The following EXOC5 variants were observed in gnomAD, a reference collection of about 807,000 sequenced individuals.
EXOC5 encodes the protein SEC10-like 1.
In EXOC5, 17 loss-of-function variants were observed where a neutral mutation model predicts 90.8. The ratio of observed to expected loss-of-function variants is 0.19; its 90% CI spans 0.13 to 0.28. The LOEUF (loss-of-function observed/expected upper bound fraction) is 0.28. EXOC5 is among the 10% of genes least tolerant of loss of function. The probability of loss-of-function intolerance (pLI) is 1.00; values close to 1 mark genes in which losing one functional copy is unlikely to be tolerated. For missense variants in EXOC5, 569 were observed against 830.6 expected, an observed-to-expected ratio of 0.69 and a Z score of 3.87; for synonymous variants, 260 against 270.0, an observed-to-expected ratio of 0.96 and a Z score of 0.36.
rs1447993261 is a variant in EXOC5, at chr14:57,203,695, G to C, written c.*4914C>G. On this transcript the variant is annotated 3_prime_UTR_variant, in exon 18 of 18. Transcript: ENST00000621441. ...TTATAAAGTAATTTAAGTGATTTTTGAAAGTAAACTTAATTCCAGTTTCAG... is the reference window on the plus strand; with the variant it reads ...TTATAAAGTAATTTAAGTGATTTTTCAAAGTAAACTTAATTCCAGTTTCAG... The C allele has an allele frequency of 6.6e-6, 1 of 152,462 alleles. No homozygotes were observed. Among genetic ancestry groups the C allele is most frequent in the African/African-American group, 2.4e-5 (1 of 41,384 alleles). 9.4% of individuals were successfully genotyped at this position (152,462 alleles called of 1,614,324 possible). A position where few individuals can be genotyped will look rare whatever the true frequency, so the allele number is the denominator to read the frequency against.
intron 1 of EXOC5, among the ~76,000 whole-genome samples, chr14:57,263,106 C>A (rs1401156158): frequency 6.6e-6 from 1 of 152,168 alleles, no homozygotes; most frequent in Admixed American, 6.5e-5. Context: ...TTAAAATTGT[C>A]TGTCTCCCTG....
chr14:57,214,297 CAAAT>C (rs1203106090), intron 15 of EXOC5, among the ~76,000 whole-genome samples: 1 of 152,124 alleles, frequency 6.6e-6, no homozygotes, highest in Non-Finnish European at 1.5e-5. Flanking sequence ...TGTGGATACT[CAAAT>C]AAACCGTGTG....
intron 15 of EXOC5, among the ~76,000 whole-genome samples, chr14:57,214,483 T>C (rs766316608): frequency 2.0e-5 from 3 of 152,046 alleles, no homozygotes; most frequent in African/African-American, 4.8e-5. Context: ...CCGGTGGAGA[T>C]AGGGAACTTA....
chr14:57,207,830 T>G lies in EXOC5; in HGVS notation c.*779A>C, dbSNP rs961208056. The G allele has an allele frequency of 2.6e-5, 4 of 152,102 alleles. No homozygotes were observed. The highest frequency in any genetic ancestry group is 5.9e-5 in the Non-Finnish European group (4 of 67,986). 9.4% of individuals were successfully genotyped at this position (152,102 alleles called of 1,614,324 possible). On this transcript the variant is annotated 3_prime_UTR_variant, in exon 18 of 18. Transcript: ENST00000621441. ...AATAAATATGGTCCTTTAGTTAAGG[T>G]CCTCCACCTTAAGTGAAATACAAAA...
intron 12 of EXOC5, among the ~76,000 whole-genome samples, chr14:57,222,958 T>A (rs1665037191): frequency 2.0e-5 from 3 of 151,918 alleles, no homozygotes; most frequent in African/African-American, 7.3e-5. Flanking sequence ...ATGGAGAAAT[T>A]AATAACAGAT....
rs140284709 is a variant in EXOC5 at position 57,257,777 on chromosome 14, G to A, written c.28-10065C>T. On this transcript the variant is annotated intron_variant, in intron 1 of 17. Coordinates refer to ENST00000621441, the MANE Select transcript of EXOC5 (RefSeq NM_006544.4). ...TAATACTTTATCTTGCTGCAAAGGC[G>A]CTTACAGTGACAAAAAGCCAAATTA... 1.3e-3 allele frequency among the ~76,000 whole-genome samples: 196 copies of A among 152,126 alleles called. 2 individuals carry two copies. The highest frequency in any genetic ancestry group is 4.3e-3 in the African/African-American group (180 of 41,488).
chr14:57,257,130 A>G (rs1037244095), intron 1 of EXOC5, among the ~76,000 whole-genome samples: 1 of 152,188 alleles, frequency 6.6e-6, no homozygotes, highest in African/African-American at 2.4e-5. Flanking sequence ...TAAGGCATGC[A>G]TTCATATAAG....
At position 57,208,544 on chromosome 14, in the gene EXOC5, G is replaced by A; in HGVS notation, c.*65C>T. 1 of 1,205,096 alleles carries A rather than the reference G, an allele frequency of 8.3e-7. No homozygotes were observed. The highest frequency in any genetic ancestry group is 1.5e-5 in the South Asian group (1 of 68,290). The allele number at this position is 1,205,096 out of a possible 1,614,324, so 74.7% of individuals were successfully genotyped here. On this transcript the variant is annotated 3_prime_UTR_variant, in exon 18 of 18. Transcript: ENST00000621441. The stretch of plus-strand genomic sequence containing the variant: ...CTCCTGTGCTTTCTATCAACCGAGG[G>A]CTGCTGAAGTATAAGACATTCCTCT...
chr14:57,267,929 T>A (rs890480920), intron 1 of EXOC5, among the ~76,000 whole-genome samples: 2 of 152,110 alleles, frequency 1.3e-5, no homozygotes, highest in Admixed American at 6.5e-5. Flanking sequence ...TTTTATAAAC[T>A]TTTTTTATTT....
rs1287315130 is a variant in EXOC5 at position 57,226,884 on chromosome 14, G to C, written c.1296+2850C>G. Among the ~76,000 whole-genome samples the C allele has an allele frequency of 2.0e-5, 3 of 152,184 alleles. No homozygotes were observed. In the East Asian group the frequency reaches 5.8e-4, roughly 29 times the overall value. On this transcript the variant is annotated intron_variant, in intron 12 of 17. Transcript: ENST00000621441. ...TCAAACTATAAAAGAAGAAAACATA[G>C]GAGGAAAACTTTGTAACCTTTGGTT...
intron 12 of EXOC5, among the ~76,000 whole-genome samples, chr14:57,225,758 C>G (rs1270442076): frequency 6.6e-6 from 1 of 152,194 alleles, no homozygotes; most frequent in African/African-American, 2.4e-5. Flanking sequence ...ACATGCCCAC[C>G]TAAGTTGGTA....
At chr14:57,260,103 T>G (rs948885309) in intron 1 of EXOC5, among the ~76,000 whole-genome samples, 1 of 152,210 alleles carries the variant, frequency 6.6e-6, no homozygotes, top group Non-Finnish European at 1.5e-5. Flanking sequence ...TAAAAGAATT[T>G]TATAATATTC....
At chr14:57,235,844 C>A in intron 6 of EXOC5, 24 bp from the exon 7 acceptor site, 1 of 1,187,728 alleles carries the variant, frequency 8.4e-7, no homozygotes, top group South Asian at 1.3e-5. Context: ...CATTCAGCTA[C>A]ACTGAGGCAT....
At chr14:57,213,339 G>A (rs1020402038) in intron 15 of EXOC5, among the ~76,000 whole-genome samples, 1 of 151,262 alleles carries the variant, frequency 6.6e-6, no homozygotes, top group African/African-American at 2.5e-5. Flanking sequence ...CTATGATTGC[G>A]CCACTGCACA....
In EXOC5 at chr14:57,222,410, C is replaced by G. The variant is rs1175958787; in HGVS notation, c.1303G>C (p.Asp435His). Residue 435 changes from aspartate (D) to histidine (H), a missense_variant, in exon 13 of 18, where the codon GAT becomes CAT. By Grantham distance (81) the Asp-to-His change is moderately conservative. Around this residue, in one of 9 missense-constraint regions of EXOC5, gnomAD observed 56 missense variants for 51.1 expected, o/e 1.10. Transcript: ENST00000621441. ...GCATTCCTTGGTAAGTCAGAAGGAT[C>G]AGAGAGCTTAAAAACAAAAATCAAA... is the stretch of plus-strand genomic sequence containing the variant. Reference protein sequence around the residue: ...QAFERCHRLSDPSDLPRNAFR... With the variant: ...QAFERCHRLSHPSDLPRNAFR... 1 of 1,579,202 alleles carries G rather than the reference C, an allele frequency of 6.3e-7. No individual in the cohort carries two copies. The highest frequency in any genetic ancestry group is 8.6e-7 in the Non-Finnish European group (1 of 1,159,252).
chr14:57,246,833 T>C lies in EXOC5; in HGVS notation c.148A>G (p.Ile50Val). ...TCATCCATTATCTGGAGTTCCTGAATATGATTTACAAATTCTTCTAATAAT... is the reference window on the plus strand; with the variant it reads ...TCATCCATTATCTGGAGTTCCTGAACATGATTTACAAATTCTTCTAATAAT... ...KRLLEEFVNH[I>V]QELQIMDERI... The change falls in exon 3 of 18, where the codon ATT becomes GTT. Residue 50 changes from isoleucine (I) to valine (V), a missense_variant. By Grantham distance (29) the Ile-to-Val change is conservative (BLOSUM62 3). Transcript: ENST00000621441. 1 of 1,583,292 alleles carries C rather than the reference T, an allele frequency of 6.3e-7. No homozygotes were observed. The highest frequency in any genetic ancestry group is 8.6e-7 in the Non-Finnish European group (1 of 1,158,978).
At chr14:57,255,032 A>G (rs1467479787) in intron 1 of EXOC5, among the ~76,000 whole-genome samples, 1 of 152,196 alleles carries the variant, frequency 6.6e-6, no homozygotes, top group Admixed American at 6.5e-5. Context: ...ACATGTTAGC[A>G]CCAGAGAACA....
At chr14:57,254,313 T>C (rs1204078800) in intron 1 of EXOC5, among the ~76,000 whole-genome samples, 2 of 152,026 alleles carry the variant, frequency 1.3e-5, no homozygotes, top group Non-Finnish European at 1.5e-5. Flanking sequence ...CGAGTGCCTG[T>C]AGTCCCAGCT....
At position 57,256,241 on chromosome 14, in the gene EXOC5, T is replaced by C. The variant is rs575894113; in HGVS notation, c.28-8529A>G. Among the ~76,000 whole-genome samples the C allele has an allele frequency of 1.6e-4, 24 of 152,222 alleles. No homozygotes were observed. The East Asian group carries it at 4.1e-3, about 26-fold the overall frequency. ...TACACAATGGGGGCAGAGAGCAGTA[T>C]GTTTGGCACACAGATGATCCTCTCA... is the stretch of plus-strand genomic sequence containing the variant. On this transcript the variant is annotated intron_variant, in intron 1 of 17. Coordinates refer to ENST00000621441, the MANE Select transcript of EXOC5 (RefSeq NM_006544.4).
Sources: gnomAD v4.1 joint callset for allele counts (sites outside exome capture counted in the v4.1 genomes callset) on GRCh38, gnomAD v4.1.1 for gene constraint, gnomAD v4.1.1 regional missense constraint, MANE v1.5 for transcripts, NCBI Gene and HGNC (gene_info 2026-07-23, HGNC 2026-07-21) for gene names.